The following HECW2 variants were observed in gnomAD, a reference collection of about 807,000 sequenced individuals.
The protein encoded by HECW2 is HECT, C2 and WW domain containing E3 ubiquitin protein ligase 2.
Under a neutral mutation model 175.2 loss-of-function variants are expected in HECW2, and 61 were observed. The observed-to-expected ratio is 0.35, with a 90% CI of 0.28 to 0.43. The LOEUF (loss-of-function observed/expected upper bound fraction) is 0.43. Among genes scored for constraint, HECW2 ranks in the 20% least tolerant of loss-of-function variants. The pLI, the probability that HECW2 is intolerant of heterozygous loss-of-function variation, is 1.00. For missense variants in HECW2, 1,524 were observed against 2,000.5 expected (o/e 0.76, Z 4.54); for synonymous variants, 671 against 731.0 (o/e 0.92, Z 1.32).
chr2:196,309,185 G>T (rs748525549), intron 10 of HECW2, among the ~76,000 whole-genome samples: 53 of 152,164 alleles, frequency 3.5e-4, no homozygotes, highest in Non-Finnish European at 6.6e-4. Flanking sequence ...GAGTCCTTAG[G>T]GTTGGAAAGA....
chr2:196,235,880 G>C (rs190661602), intron 21 of HECW2, among the ~76,000 whole-genome samples: 51 of 151,860 alleles, frequency 3.4e-4, no homozygotes, highest in Admixed American at 7.2e-4. Context: ...GGATGGTCTC[G>C]ATCTTCTGAC....
chr2:196,341,766 C>G (rs571429489), intron 3 of HECW2, among the ~76,000 whole-genome samples: 1 of 152,156 alleles, frequency 6.6e-6, no homozygotes, highest in Non-Finnish European at 1.5e-5. Flanking sequence ...GAAGACATTT[C>G]TTATGGGGCA....
At chr2:196,450,966 C>T (rs539656157) in intron 1 of HECW2, among the ~76,000 whole-genome samples, 4 of 151,724 alleles carry the variant, frequency 2.6e-5, no homozygotes, top group African/African-American at 4.8e-5. Context: ...AAAAGTCAAC[C>T]GAGAGATTTG....
chr2:196,369,629 C>A (rs1392467735), intron 2 of HECW2, among the ~76,000 whole-genome samples: 1 of 152,114 alleles, frequency 6.6e-6, no homozygotes, highest in Non-Finnish European at 1.5e-5. Context: ...CCCCTCAGTC[C>A]TGGGCAGGCC....
intron 1 of HECW2, among the ~76,000 whole-genome samples, chr2:196,515,121 G>A (rs1193745206): frequency 1.3e-5 from 2 of 152,238 alleles, no homozygotes; most frequent in Non-Finnish European, 2.9e-5. Context: ...TGCAGCAGAA[G>A]CCATGTGCAG....
At chr2:196,423,987 T>C (rs762930908) in intron 2 of HECW2, among the ~76,000 whole-genome samples, 1 of 152,072 alleles carries the variant, frequency 6.6e-6, no homozygotes, top group Non-Finnish European at 1.5e-5. Flanking sequence ...TTTTTACAAA[T>C]AGAAGGTGTG....
intron 1 of HECW2, among the ~76,000 whole-genome samples, chr2:196,547,299 G>C (rs960592384): frequency 6.6e-6 from 1 of 152,170 alleles, no homozygotes; most frequent in Non-Finnish European, 1.5e-5. Flanking sequence ...GACCCTAGGA[G>C]GGATACTGCA....
At chr2:196,535,774 A>G (rs1689000028) in intron 1 of HECW2, among the ~76,000 whole-genome samples, 1 of 152,212 alleles carries the variant, frequency 6.6e-6, no homozygotes. Context: ...GTTTAGAAGA[A>G]GAGACTCCAG....
chr2:196,429,525 G>A (rs866155603), intron 2 of HECW2, among the ~76,000 whole-genome samples: 2 of 139,516 alleles, frequency 1.4e-5, no homozygotes, highest in South Asian at 2.3e-4. Context: ...AGGAACTTCC[G>A]CTTCAGGCCT....
intron 1 of HECW2, among the ~76,000 whole-genome samples, chr2:196,488,549 C>T (rs1687085934): frequency 6.6e-6 from 1 of 152,076 alleles, no homozygotes; most frequent in Admixed American, 6.6e-5. Context: ...CACTATACCA[C>T]TATATCTTGT....
chr2:196,418,275 C>A (rs1162261756), intron 2 of HECW2, among the ~76,000 whole-genome samples: 1 of 151,930 alleles, frequency 6.6e-6, no homozygotes, highest in African/African-American at 2.4e-5. Flanking sequence ...ACTACAGGCG[C>A]CTGCCACCAC....
intron 17 of HECW2, 34 bp downstream of exon 17, chr2:196,271,159 T>C (rs748664572): frequency 2.1e-5 from 26 of 1,235,074 alleles, no homozygotes; most frequent in Middle Eastern, 3.8e-4. Context: ...TTTGTGCTTA[T>C]GCAACTTGAA....
chr2:196,292,745 G>C lies in HECW2; in HGVS notation c.2820C>G (p.Ala940=). Residue 940 remains alanine, a synonymous_variant, in exon 14 of 29, where the codon GCC becomes GCG. Transcript: ENST00000644978. ...FFTVLHSNPS[A]YRMFTNNTCL... is the part of the protein sequence containing the mutation. Reference sequence around the variant, plus strand: ...ACGTGTTGTTTGTAAACATGCGGTAGGCACTCTAAAGAAAAGAATGGAGAA... The same window carrying C: ...ACGTGTTGTTTGTAAACATGCGGTACGCACTCTAAAGAAAAGAATGGAGAA... 1 of 1,610,752 alleles carries C rather than the reference G, an allele frequency of 6.2e-7. No individual in the cohort carries two copies. Among genetic ancestry groups the C allele is most frequent in the Non-Finnish European group, 8.5e-7 (1 of 1,177,396 alleles).
chr2:196,501,023 C>T, intron 1 of HECW2, among the ~76,000 whole-genome samples: 1 of 152,156 alleles, frequency 6.6e-6, no homozygotes, highest in Non-Finnish European at 1.5e-5. Flanking sequence ...AATTCTTATC[C>T]AGAAGGTGGC....
chr2:196,268,406 C>T (rs929105988), intron 17 of HECW2, among the ~76,000 whole-genome samples: 10 of 138,954 alleles, frequency 7.2e-5, no homozygotes, highest in African/African-American at 2.9e-4. Context: ...ACTCTAGATG[C>T]CACTAAAAAA....
Position 196,198,691 on chromosome 2 carries a change from G to A in HECW2, c.*2586C>T, listed in dbSNP as rs913528229. The A allele has an allele frequency of 6.6e-6, 1 of 152,108 alleles. No homozygotes were observed. Among genetic ancestry groups the A allele is most frequent in the Non-Finnish European group, 1.5e-5 (1 of 68,020 alleles). The allele number at this position is 152,108 out of a possible 1,614,324, so 9.4% of individuals were successfully genotyped here. The stretch of plus-strand genomic sequence containing the variant: ...TAAGACCAGAAAGCCTAGTTATCTG[G>A]GTTCACAGTCCAGAAGAAAATATTT... On this transcript the variant is annotated 3_prime_UTR_variant, in exon 29 of 29. Coordinates refer to ENST00000644978, the MANE Select transcript of HECW2 (RefSeq NM_001348768.2).
intron 1 of HECW2, among the ~76,000 whole-genome samples, chr2:196,552,032 C>A (rs889808847): frequency 1.3e-5 from 2 of 152,156 alleles, no homozygotes; most frequent in Non-Finnish European, 2.9e-5. Context: ...TGGGTTAATT[C>A]AAACATTACC....
chr2:196,350,839 G>T (rs76149155), intron 2 of HECW2, among the ~76,000 whole-genome samples: 12,050 of 152,252 alleles, frequency 0.079, 522 homozygotes, highest in South Asian at 0.13. Flanking sequence ...GGAATGATTA[G>T]TCATCCTGGT....
At chr2:196,491,124 A>G (rs1687169742) in intron 1 of HECW2, among the ~76,000 whole-genome samples, 1 of 152,158 alleles carries the variant, frequency 6.6e-6, no homozygotes, top group Admixed American at 6.5e-5. Flanking sequence ...ACCACAATAA[A>G]GTTGTAAGAA....
Sources: allele counts gnomAD v4.1 joint callset (sites outside exome capture counted in the v4.1 genomes callset), GRCh38; gene constraint gnomAD v4.1.1; transcripts MANE v1.5; gene names NCBI Gene and HGNC (gene_info 2026-07-23, HGNC 2026-07-21).